Variants in SPATS2L observed in about 807,000 individuals in gnomAD.
The protein encoded by SPATS2L is spermatogenesis associated serine rich 2 like.
SPATS2L carries 30 observed loss-of-function variants against 59.6 expected under a neutral mutation model. That is an observed-to-expected ratio of 0.50 (90% CI 0.38 to 0.68). The LOEUF (loss-of-function observed/expected upper bound fraction) is 0.68, where lower values mean the gene tolerates loss of function less well. Among genes scored for constraint, SPATS2L ranks in the 30% least tolerant of loss-of-function variants. The pLI, the probability that SPATS2L is intolerant of heterozygous loss-of-function variation, is 0.00. For synonymous variants in SPATS2L, 252 were observed against 263.5 expected (o/e 0.96, Z 0.42); for missense variants, 615 against 700.0 (o/e 0.88, Z 1.37).
chr2:200,397,187 T>C (rs1369378987), intron 3 of SPATS2L, among the ~76,000 whole-genome samples: 1 of 152,202 alleles, frequency 6.6e-6, no homozygotes, highest in Non-Finnish European at 1.5e-5. Flanking sequence ...TGGTAGCCCC[T>C]GTGCACTGCA....
chr2:200,452,774 T>C (rs1284958120), intron 8 of SPATS2L, among the ~76,000 whole-genome samples: 2 of 152,198 alleles, frequency 1.3e-5, no homozygotes, highest in African/African-American at 4.8e-5. Flanking sequence ...CAAAGGGTTA[T>C]GTGCTAACCC....
chr2:200,447,850 A>G (rs547652280), intron 8 of SPATS2L, among the ~76,000 whole-genome samples: 12 of 152,356 alleles, frequency 7.9e-5, no homozygotes, highest in South Asian at 6.2e-4. Context: ...AAAGCTTTCA[A>G]TTCCCTGTTT....
At chr2:200,398,118 A>T (rs1214349155) in intron 3 of SPATS2L, among the ~76,000 whole-genome samples, 1 of 152,162 alleles carries the variant, frequency 6.6e-6, no homozygotes, top group Non-Finnish European at 1.5e-5. Flanking sequence ...AGCTTTCACG[A>T]GTCCCCAGCC....
At chr2:200,346,352 T>C (rs1050771814) in intron 2 of SPATS2L, among the ~76,000 whole-genome samples, 1 of 152,170 alleles carries the variant, frequency 6.6e-6, no homozygotes, top group African/African-American at 2.4e-5. Flanking sequence ...GGTCCAAGTT[T>C]TTCTCCTCAG....
chr2:200,408,472 C>T (rs1331964030), intron 3 of SPATS2L, among the ~76,000 whole-genome samples: 1 of 152,102 alleles, frequency 6.6e-6, no homozygotes, highest in East Asian at 1.9e-4. Context: ...TTGATAATGC[C>T]GGGTCTTTGC....
chr2:200,310,536 C>T (rs2079159908), intron 1 of SPATS2L, among the ~76,000 whole-genome samples: 2 of 152,212 alleles, frequency 1.3e-5, no homozygotes, highest in Non-Finnish European at 2.9e-5. Context: ...ACCGTATCAA[C>T]CTTCCTAAAA....
At chr2:200,393,023 C>T in intron 3 of SPATS2L, 1 of 339,300 alleles carries the variant, frequency 2.9e-6, no homozygotes, top group Non-Finnish European at 5.9e-6. Flanking sequence ...CAAGATGTCC[C>T]TTTTATGTCA....
chr2:200,388,773 A>G (rs1011379694), intron 2 of SPATS2L, among the ~76,000 whole-genome samples: 14 of 151,658 alleles, frequency 9.2e-5, no homozygotes, highest in African/African-American at 2.7e-4. Context: ...GTTTTTTTCC[A>G]TAGTGCTTGG....
At chr2:200,332,263 G>A (rs979230964) in intron 2 of SPATS2L, among the ~76,000 whole-genome samples, 5 of 151,322 alleles carry the variant, frequency 3.3e-5, no homozygotes, top group African/African-American at 1.2e-4. Context: ...TTTTTTTAGA[G>A]AGACAGGGTC....
intron 3 of SPATS2L, among the ~76,000 whole-genome samples, chr2:200,396,274 T>C (rs1418680573): frequency 6.6e-6 from 1 of 151,632 alleles, no homozygotes; most frequent in Non-Finnish European, 1.5e-5. Context: ...TGTGAATAGC[T>C]TTTAGAACTG....
At chr2:200,335,403 A>G (rs2080110785) in intron 2 of SPATS2L, among the ~76,000 whole-genome samples, 1 of 149,232 alleles carries the variant, frequency 6.7e-6, no homozygotes, top group African/African-American at 2.4e-5. Context: ...GAAAAAAAAA[A>G]GAAGATAGTG....
chr2:200,430,935 C>T (rs2083889812), intron 6 of SPATS2L, among the ~76,000 whole-genome samples: 1 of 152,118 alleles, frequency 6.6e-6, no homozygotes, highest in Non-Finnish European at 1.5e-5. Context: ...CCAGGCTGGT[C>T]TGGAACTCCT....
At chr2:200,329,343 G>A in intron 1 of SPATS2L, 88 bp from the exon 2 acceptor site, 1 of 1,095,052 alleles carries the variant, frequency 9.1e-7, no homozygotes, top group Non-Finnish European at 1.4e-6. Context: ...TCCAGATCCT[G>A]TGCTTGGGTT....
chr2:200,419,349 C>A lies in SPATS2L; in HGVS notation c.298C>A (p.Pro100Thr), dbSNP rs190674862. ...TGAGGCAGGGCCCCTGCAGCCGCAG[C>A]CACCACAGATTCAAAACGGCCCCAT... ...RPEAGPLQPQPPQIQNGPMNG... is the reference protein window; with the variant it reads ...RPEAGPLQPQTPQIQNGPMNG... Residue 100 changes from proline to threonine, a missense_variant, in exon 6 of 13, where the codon CCA becomes ACA. By Grantham distance (38) the Pro-to-Thr change is conservative. Coordinates refer to ENST00000409140, the MANE Select transcript of SPATS2L (RefSeq NM_001100423.2). The A allele has an allele frequency of 8.3e-5, 134 of 1,611,624 alleles. 1 individual carries two copies. The East Asian group carries it at 3.0e-3, about 36-fold the overall frequency.
chr2:200,466,410 A>G (rs2086606566), intron 9 of SPATS2L, among the ~76,000 whole-genome samples: 1 of 152,236 alleles, frequency 6.6e-6, no homozygotes, highest in Non-Finnish European at 1.5e-5. Context: ...GCATATTTAA[A>G]TCTCATCCTG....
Position 200,477,636 on chromosome 2 carries a change from A to G in SPATS2L, c.1282A>G (p.Asn428Asp), listed in dbSNP as rs769492416. ...ACTTATCTCTTTTCTTTTTTGGTAGAATGGATCTTCTAACCAAAGACGGAG... is the reference window on the plus strand; with the variant it reads ...ACTTATCTCTTTTCTTTTTTGGTAGGATGGATCTTCTAACCAAAGACGGAG... Reference protein sequence around the residue: ...SHQTMPANKQNGSSNQRRRFN... With the variant: ...SHQTMPANKQDGSSNQRRRFN... Residue 428 changes from asparagine (N) to aspartate (D), a missense_variant and splice_region_variant, in exon 13 of 13, where the codon AAT becomes GAT. Physicochemically the swap from Asn to Asp is conservative, Grantham distance 23. This residue lies in a region of SPATS2L where 284 missense variants were observed against 280.1 expected (regional missense o/e 1.01). Transcript: ENST00000409140. 1 of 1,536,770 alleles carries G rather than the reference A, an allele frequency of 6.5e-7. No individual in the cohort carries two copies. Among genetic ancestry groups the G allele is most frequent in the Admixed American group, 2.1e-5 (1 of 47,722 alleles).
chr2:200,373,924 T>C (rs2081513809), intron 2 of SPATS2L, among the ~76,000 whole-genome samples: 1 of 151,774 alleles, frequency 6.6e-6, no homozygotes, highest in Non-Finnish European at 1.5e-5. Context: ...GACAGTGGGG[T>C]GGGAGGGAGA....
intron 1 of SPATS2L, among the ~76,000 whole-genome samples, chr2:200,315,869 A>AAG (rs2079356209): frequency 1.3e-5 from 2 of 150,162 alleles, no homozygotes; most frequent in South Asian, 4.2e-4. Flanking sequence ...AAAAAAAAAA[A>AAG]AAAAAAAGAG....
intron 1 of SPATS2L, among the ~76,000 whole-genome samples, chr2:200,320,456 GAATCATTACTCTTA>G (rs1341511759): frequency 1.3e-5 from 2 of 152,106 alleles, no homozygotes; most frequent in Non-Finnish European, 2.9e-5. Flanking sequence ...TCTCTTTACA[GAATCATTACTCTTA>G]AAGAGAATTG....
Sources: gnomAD v4.1 joint callset for allele counts (sites outside exome capture counted in the v4.1 genomes callset) on GRCh38, gnomAD v4.1.1 for gene constraint, gnomAD v4.1.1 regional missense constraint, MANE v1.5 for transcripts, NCBI Gene and HGNC (gene_info 2026-07-23, HGNC 2026-07-21) for gene names.